Variants in DYNC2H1 observed in about 807,000 individuals in gnomAD.
DYNC2H1 encodes dynein cytoplasmic 2 heavy chain 1, also known as cytoplasmic dynein 2 heavy chain 1.
In DYNC2H1, 410 loss-of-function variants were observed where a neutral mutation model predicts 570.0. The ratio of observed to expected loss-of-function variants is 0.72; its 90% CI spans 0.66 to 0.78. The LOEUF (loss-of-function observed/expected upper bound fraction) is 0.78. Ranked by LOEUF, DYNC2H1 falls within the 30% of genes least tolerant of loss-of-function variation. The pLI is 0.00. For synonymous variants in DYNC2H1, 1,688 were observed against 1,677.6 expected (o/e 1.01, Z -0.15); for missense variants, 4,865 against 5,046.4 (o/e 0.96, Z 1.09).
chr11:103,221,658 C>T (rs1028747063), intron 57 of DYNC2H1, among the ~76,000 whole-genome samples: 1 of 152,108 alleles, frequency 6.6e-6, no homozygotes, highest in South Asian at 2.1e-4. Context: ...GAGTTTGAGA[C>T]CAGCCTGGGC....
intron 17 of DYNC2H1, among the ~76,000 whole-genome samples, chr11:103,136,185 GT>G (rs1023858929): frequency 2.7e-5 from 4 of 148,196 alleles, no homozygotes; most frequent in Admixed American, 6.7e-5. Flanking sequence ...TGAGAAACTT[GT>G]TTTTTTTGGT....
chr11:103,396,478 T>G (rs972417458), intron 83 of DYNC2H1, among the ~76,000 whole-genome samples: 1 of 152,198 alleles, frequency 6.6e-6, no homozygotes, highest in Non-Finnish European at 1.5e-5. Flanking sequence ...CGGATGAACA[T>G]GCTAAACTCT....
intron 80 of DYNC2H1, among the ~76,000 whole-genome samples, chr11:103,318,121 A>AT: frequency 6.6e-6 from 1 of 152,162 alleles, no homozygotes; most frequent in East Asian, 1.9e-4. Context: ...TAATTTATAT[A>AT]TTTTTAAAGT....
intron 85 of DYNC2H1, among the ~76,000 whole-genome samples, chr11:103,453,434 CTT>C (rs979827423): frequency 4.6e-5 from 7 of 151,718 alleles, no homozygotes; most frequent in African/African-American, 1.7e-4. Context: ...CTAAAATAAT[CTT>C]TGTTATTTAT....
In DYNC2H1 at chr11:103,245,082, T is replaced by C. The variant is rs1255693191; in HGVS notation, c.9919-169T>C. ...CCCATTCAATGTGTGATTCTGAACATAAGCAGAGTAGGGTTCTTATTAATA... is the reference window on the plus strand; with the variant it reads ...CCCATTCAATGTGTGATTCTGAACACAAGCAGAGTAGGGTTCTTATTAATA... On this transcript the variant is annotated intron_variant, in intron 64 of 88. Transcript: ENST00000375735. This position sits in a 1 kb window ranked among gnomAD's most constrained non-coding sequence, Gnocchi z 4.5. Among the ~76,000 whole-genome samples, 3 of 151,994 alleles carry C rather than the reference T, an allele frequency of 2.0e-5. No individual in the cohort carries two copies. Among genetic ancestry groups the C allele is most frequent in the Non-Finnish European group, 2.9e-5 (2 of 67,952 alleles).
At chr11:103,384,004 A>T (rs1308296506) in intron 83 of DYNC2H1, among the ~76,000 whole-genome samples, 1 of 152,206 alleles carries the variant, frequency 6.6e-6, no homozygotes, top group Non-Finnish European at 1.5e-5. Flanking sequence ...TGACTAGAGA[A>T]TATGGTCTTA....
At chr11:103,153,152 T>C in intron 21 of DYNC2H1, 151 bp from the exon 22 acceptor site, 1 of 616,734 alleles carries the variant, frequency 1.6e-6, no homozygotes, top group East Asian at 3.2e-5. Context: ...GAACTTGGAA[T>C]TAATAATTAA....
chr11:103,422,655 ACT>A (rs1003257647), intron 84 of DYNC2H1, among the ~76,000 whole-genome samples: 6 of 152,158 alleles, frequency 3.9e-5, no homozygotes, highest in African/African-American at 7.2e-5. Context: ...TATGTTAAAA[ACT>A]CTCAATAAAC....
intron 84 of DYNC2H1, among the ~76,000 whole-genome samples, chr11:103,414,370 C>T (rs758879855): frequency 1.3e-5 from 2 of 151,734 alleles, no homozygotes; most frequent in Non-Finnish European, 2.9e-5. Flanking sequence ...CCTGTAATCC[C>T]AGCACTTTGG....
chr11:103,246,898 G>A (rs1257209936), intron 65 of DYNC2H1, among the ~76,000 whole-genome samples: 1 of 151,846 alleles, frequency 6.6e-6, no homozygotes. Flanking sequence ...GGAATAGAAT[G>A]TACTTCTCTC....
intron 47 of DYNC2H1, among the ~76,000 whole-genome samples, 193 bp downstream of exon 47, chr11:103,192,457 A>C (rs1181319451): frequency 1.3e-5 from 2 of 152,152 alleles, no homozygotes; most frequent in Non-Finnish European, 2.9e-5. Flanking sequence ...ATATAATGGC[A>C]ATTATTTTTT....
rs549928637 is a variant in DYNC2H1, at chr11:103,111,068, C to T, written c.195+1299C>T. On this transcript the variant is annotated intron_variant, in intron 1 of 88. Coordinates refer to ENST00000375735, the MANE Select transcript of DYNC2H1 (RefSeq NM_001377.3). ...CTCGAACTCCTGACCTCAGGTGATC[C>T]ACCCGCCTTGGCCTCCCAAAGTGCT... Among the ~76,000 whole-genome samples the T allele has an allele frequency of 2.6e-5, 4 of 152,292 alleles. No individual in the cohort carries two copies. In the East Asian group the frequency reaches 7.7e-4, roughly 29 times the overall value.
At position 103,187,407 on chromosome 11, in the gene DYNC2H1, C is replaced by A. The variant is rs973883131; in HGVS notation, c.6961C>A (p.Gln2321Lys). ...AATTGCTACAGTTCACTGTAGTGCA[C>A]AAACCACTTCTCGACATCTCCTGCA... ...TQIATVHCSA[Q>K]TTSRHLLQKL... The change falls in exon 43 of 89, where the codon CAA becomes AAA. Residue 2321 changes from glutamine to lysine, a missense_variant. By Grantham distance (53) the Gln-to-Lys change is moderately conservative (BLOSUM62 1). This residue lies in a region of DYNC2H1 where 2,401 missense variants were observed against 2,454.6 expected (regional missense o/e 0.98). Transcript: ENST00000375735. 2 of 1,613,256 alleles carry A rather than the reference C, an allele frequency of 1.2e-6. No homozygotes were observed. Among genetic ancestry groups the A allele is most frequent in the Non-Finnish European group, 1.7e-6 (2 of 1,179,414 alleles).
intron 61 of DYNC2H1, among the ~76,000 whole-genome samples, chr11:103,234,628 A>G (rs1276898241): frequency 6.6e-6 from 1 of 151,848 alleles, no homozygotes; most frequent in East Asian, 1.9e-4. Context: ...CTCATCCAGT[A>G]ATGTTGATTG....
intron 83 of DYNC2H1, among the ~76,000 whole-genome samples, chr11:103,381,295 TCA>T (rs1365863623): frequency 2.0e-5 from 3 of 152,190 alleles, no homozygotes; most frequent in Non-Finnish European, 4.4e-5. Context: ...ATAGATGTGA[TCA>T]CAGTTTTTGA....
At chr11:103,124,194 C>T (rs1393217101) in intron 11 of DYNC2H1, among the ~76,000 whole-genome samples, 2 of 151,914 alleles carry the variant, frequency 1.3e-5, no homozygotes, top group African/African-American at 4.8e-5. Context: ...CCTGTAATCC[C>T]AGTACTTTGG....
In DYNC2H1 at chr11:103,395,911, C is replaced by T. The variant is rs560142856; in HGVS notation, c.12157-3752C>T. Among the ~76,000 whole-genome samples the T allele has an allele frequency of 1.1e-4, 16 of 152,286 alleles. No individual in the cohort carries two copies. The highest frequency in any genetic ancestry group is 3.4e-3 in the Middle Eastern group (1 of 294). On this transcript the variant is annotated intron_variant, in intron 83 of 88. Coordinates refer to ENST00000375735, the MANE Select transcript of DYNC2H1 (RefSeq NM_001377.3). This position sits in a 1 kb window ranked among gnomAD's most constrained non-coding sequence, Gnocchi z 4.3. ...GAGGGCAAAGGTAGAATTTCCATTA[C>T]ATAGAAGTGAAGGTATTTTTCCCTT...
At chr11:103,295,983 T>C (rs909219012) in intron 75 of DYNC2H1, among the ~76,000 whole-genome samples, 4 of 152,296 alleles carry the variant, frequency 2.6e-5, no homozygotes, top group Middle Eastern at 3.4e-3. Context: ...TGTGTTCCGC[T>C]CAGTGACAGG....
At chr11:103,406,853 TGAG>T (rs1942883113) in intron 84 of DYNC2H1, 1 of 151,920 alleles carries the variant, frequency 6.6e-6, no homozygotes, top group Non-Finnish European at 1.5e-5. Context: ...TTTTGTCATG[TGAG>T]GAGAAGTATG....
Sources: gnomAD v4.1 joint callset for allele counts (sites outside exome capture counted in the v4.1 genomes callset) on GRCh38, gnomAD v4.1.1 for gene constraint, gnomAD v4.1.1 regional missense constraint, Gnocchi (gnomAD v3.1) non-coding constraint, MANE v1.5 for transcripts, NCBI Gene and HGNC (gene_info 2026-07-23, HGNC 2026-07-21) for gene names.